Variants in ASTN2 observed in about 807,000 individuals in gnomAD.
The protein encoded by ASTN2 is astrotactin-2.
Under a neutral mutation model 139.8 loss-of-function variants are expected in ASTN2, and 54 were observed. The observed-to-expected ratio is 0.39, with a 90% CI of 0.31 to 0.48. The LOEUF (loss-of-function observed/expected upper bound fraction) is 0.48. Among genes scored for constraint, ASTN2 ranks in the 20% least tolerant of loss-of-function variants. The probability of loss-of-function intolerance (pLI) is 0.95; values close to 1 mark genes in which losing one functional copy is unlikely to be tolerated. For synonymous variants in ASTN2, 756 were observed against 719.5 expected (o/e 1.05, Z -0.81); for missense variants, 1,565 against 1,725.1 (o/e 0.91, Z 1.64).
intron 20 of ASTN2, among the ~76,000 whole-genome samples, chr9:116,455,923 G>GA (rs748846800): frequency 3.9e-4 from 59 of 151,966 alleles, no homozygotes; most frequent in Non-Finnish European, 7.7e-4. Flanking sequence ...ACCAAATGGG[G>GA]AAAAACAAAA....
intron 15 of ASTN2, among the ~76,000 whole-genome samples, chr9:116,726,801 T>G (rs531499843): frequency 6.6e-6 from 1 of 152,274 alleles, no homozygotes; most frequent in South Asian, 2.1e-4. Flanking sequence ...AACAGGCACA[T>G]GAGCAAGCTA....
chr9:116,990,417 C>T (rs541770255), intron 7 of ASTN2, among the ~76,000 whole-genome samples: 1 of 148,250 alleles, frequency 6.7e-6, no homozygotes, highest in East Asian at 2.0e-4. Flanking sequence ...CAGGCATGCA[C>T]CACCATGCTC....
chr9:116,444,084 A>C (rs1847915552), intron 20 of ASTN2, among the ~76,000 whole-genome samples: 1 of 146,094 alleles, frequency 6.8e-6, no homozygotes, highest in South Asian at 2.2e-4. Context: ...CACAATCCTA[A>C]AAGACAGGCA....
At chr9:116,605,908 T>C (rs1216515101) in intron 19 of ASTN2, among the ~76,000 whole-genome samples, 2 of 152,166 alleles carry the variant, frequency 1.3e-5, no homozygotes, top group Admixed American at 6.5e-5. Context: ...ACCAGAGCCC[T>C]AGTTCTAGCT....
At chr9:117,338,504 C>T (rs1482718468) in intron 1 of ASTN2, among the ~76,000 whole-genome samples, 3 of 152,186 alleles carry the variant, frequency 2.0e-5, no homozygotes, top group Non-Finnish European at 4.4e-5. Flanking sequence ...GCTGGGCACA[C>T]ATAAGAAAAG....
At chr9:116,976,461 T>C (rs1179140292) in intron 8 of ASTN2, among the ~76,000 whole-genome samples, 1 of 152,274 alleles carries the variant, frequency 6.6e-6, no homozygotes, top group African/African-American at 2.4e-5. Flanking sequence ...TTACTTTGTT[T>C]GGACAGGTGA....
chr9:116,913,058 G>A (rs555417980), intron 10 of ASTN2, among the ~76,000 whole-genome samples: 6 of 152,116 alleles, frequency 3.9e-5, no homozygotes, highest in Admixed American at 6.5e-5. Flanking sequence ...CATGTGCCAC[G>A]ACACATGGCT....
At chr9:117,242,901 CT>C (rs1321013991) in intron 2 of ASTN2, among the ~76,000 whole-genome samples, 11 of 152,332 alleles carry the variant, frequency 7.2e-5, no homozygotes, top group African/African-American at 2.6e-4. Flanking sequence ...AAACTATAGC[CT>C]TCCAGTTTGC....
chr9:117,402,861 G>A (rs915432868), intron 1 of ASTN2, among the ~76,000 whole-genome samples: 1 of 152,070 alleles, frequency 6.6e-6, no homozygotes, highest in Non-Finnish European at 1.5e-5. Context: ...GAAAGAGAAG[G>A]CTCCTTAGAG....
intron 16 of ASTN2, among the ~76,000 whole-genome samples, chr9:116,690,449 A>G (rs896921421): frequency 6.6e-6 from 1 of 152,176 alleles, no homozygotes; most frequent in African/African-American, 2.4e-5. Context: ...CAGAGCCCCT[A>G]TGTTTATGTC....
intron 10 of ASTN2, among the ~76,000 whole-genome samples, chr9:116,900,288 C>T (rs2132402920): frequency 6.6e-6 from 1 of 152,294 alleles, no homozygotes; most frequent in Non-Finnish European, 1.5e-5. Context: ...CATAGCAACC[C>T]TGACAACTAA....
intron 10 of ASTN2, among the ~76,000 whole-genome samples, chr9:116,910,587 G>C (rs573223167): frequency 6.6e-6 from 1 of 152,176 alleles, no homozygotes; most frequent in Non-Finnish European, 1.5e-5. Flanking sequence ...GGCTGGGGCC[G>C]GAAGTGGAGG....
At chr9:117,298,144 T>C (rs144927793) in intron 1 of ASTN2, among the ~76,000 whole-genome samples, 1,768 of 152,332 alleles carry the variant, frequency 0.012, 41 homozygotes, top group African/African-American at 0.041. Context: ...TCCCTCATAA[T>C]AAAACCTAAT....
At chr9:117,388,292 A>T (rs1830452067) in intron 1 of ASTN2, among the ~76,000 whole-genome samples, 1 of 152,176 alleles carries the variant, frequency 6.6e-6, no homozygotes, top group African/African-American at 2.4e-5. Flanking sequence ...CCATTTATGT[A>T]TATCCCAGAC....
intron 13 of ASTN2, among the ~76,000 whole-genome samples, chr9:116,803,866 A>T (rs1361682415): frequency 6.6e-6 from 1 of 151,286 alleles, no homozygotes. Context: ...GAGTCTTGCA[A>T]AGTTACCTAG....
At chr9:116,926,704 A>G (rs760671492) in intron 10 of ASTN2, among the ~76,000 whole-genome samples, 12 of 152,194 alleles carry the variant, frequency 7.9e-5, no homozygotes, top group Non-Finnish European at 1.3e-4. Flanking sequence ...GTGAGTGGGT[A>G]ACTCTTTTAA....
At chr9:117,232,610 A>C (rs970884039) in intron 2 of ASTN2, among the ~76,000 whole-genome samples, 1 of 152,294 alleles carries the variant, frequency 6.6e-6, no homozygotes, top group South Asian at 2.1e-4. Context: ...ATTAATCTCC[A>C]TCTGCTTTAC....
intron 2 of ASTN2, among the ~76,000 whole-genome samples, chr9:117,229,713 T>G (rs1005099938): frequency 4.6e-5 from 7 of 152,208 alleles, no homozygotes; most frequent in Admixed American, 4.6e-4. Context: ...GTGAGGGGTC[T>G]GGGCTCACTC....
At chr9:117,324,557 A>G (rs1265811934) in intron 1 of ASTN2, among the ~76,000 whole-genome samples, 1 of 152,234 alleles carries the variant, frequency 6.6e-6, no homozygotes, top group Non-Finnish European at 1.5e-5. Context: ...CCCCCATGAT[A>G]CAGTCACCTC....
Sources: gnomAD v4.1 joint callset for allele counts (sites outside exome capture counted in the v4.1 genomes callset) on GRCh38, gnomAD v4.1.1 for gene constraint, MANE v1.5 for transcripts, NCBI Gene and HGNC (gene_info 2026-07-23, HGNC 2026-07-21) for gene names.